The following NCKAP5 variants were observed in gnomAD, a reference collection of about 807,000 sequenced individuals.
NCKAP5 encodes nck-associated protein 5.
A neutral mutation model predicts 167.0 loss-of-function variants in NCKAP5; 92 were observed. The observed-to-expected ratio is 0.55, with a 90% CI of 0.47 to 0.66. The LOEUF (loss-of-function observed/expected upper bound fraction) is 0.66. NCKAP5 is among the 30% of genes least tolerant of loss of function. The pLI is 0.00. For synonymous variants in NCKAP5, 891 were observed against 877.4 expected (o/e 1.02, Z -0.27); for missense variants, 2,378 against 2,315.0 (o/e 1.03, Z -0.56).
intron 12 of NCKAP5, among the ~76,000 whole-genome samples, chr2:132,792,160 G>T (rs1434284977): frequency 2.6e-5 from 4 of 152,154 alleles, no homozygotes; most frequent in African/African-American, 9.7e-5. Flanking sequence ...TTAGGCATCT[G>T]CCTTACTATC....
chr2:133,510,325 A>T (rs562573793), intron 3 of NCKAP5, among the ~76,000 whole-genome samples: 41 of 152,164 alleles, frequency 2.7e-4, no homozygotes, highest in Non-Finnish European at 4.1e-4. Context: ...TTGTACATGA[A>T]CACGCCATAA....
chr2:132,864,458 A>C (rs1268619580), intron 10 of NCKAP5, among the ~76,000 whole-genome samples: 1 of 152,192 alleles, frequency 6.6e-6, no homozygotes, highest in African/African-American at 2.4e-5. Context: ...TTAAGAGATT[A>C]CAGCTGAGCA....
the NCKAP5 span, among the ~76,000 whole-genome samples, chr2:133,644,933 CA>C: frequency 4.7e-3 from 706 of 151,532 alleles, 2 homozygotes; most frequent in African/African-American, 0.015. Context: ...AATGAGATCA[CA>C]AAAAAAATGA....
At chr2:133,171,526 A>G (rs2084248911) in intron 5 of NCKAP5, among the ~76,000 whole-genome samples, 1 of 152,204 alleles carries the variant, frequency 6.6e-6, no homozygotes, top group South Asian at 2.1e-4. Flanking sequence ...ACTATGTCAC[A>G]TGCATTCAAC....
chr2:133,453,620 T>C (rs1211166671), intron 3 of NCKAP5, among the ~76,000 whole-genome samples: 1 of 152,100 alleles, frequency 6.6e-6, no homozygotes, highest in African/African-American at 2.4e-5. Flanking sequence ...CAGTAAAATA[T>C]ATTTATGCAA....
In NCKAP5 at chr2:132,935,058, G is replaced by A. The variant is rs185306808; in HGVS notation, c.579+28662C>T. Among the ~76,000 whole-genome samples, 18 of 152,188 alleles carry A rather than the reference G, an allele frequency of 1.2e-4. 1 individual carries two copies. The highest frequency in any genetic ancestry group is 9.8e-4 in the Admixed American group (15 of 15,284). On this transcript the variant is annotated intron_variant, in intron 8 of 19. Transcript: ENST00000409261. ...TCCCAGCTACAAGAGATTGGTTCAG[G>A]GAAGAGTATTTAATTGATTTTAGGT...
intron 16 of NCKAP5, among the ~76,000 whole-genome samples, chr2:132,748,570 G>C (rs1489492299): frequency 3.3e-5 from 5 of 152,148 alleles, no homozygotes; most frequent in Non-Finnish European, 5.9e-5. Flanking sequence ...GCAGAAGCCG[G>C]AATTCAAAGC....
chr2:133,289,719 A>G (rs1679427092), intron 4 of NCKAP5, among the ~76,000 whole-genome samples: 1 of 145,058 alleles, frequency 6.9e-6, no homozygotes, highest in Non-Finnish European at 1.5e-5. Flanking sequence ...ACAAACAAAC[A>G]AACAAACAAA....
At chr2:133,163,826 A>G (rs963551690) in intron 5 of NCKAP5, among the ~76,000 whole-genome samples, 1 of 152,226 alleles carries the variant, frequency 6.6e-6, no homozygotes, top group Non-Finnish European at 1.5e-5. Flanking sequence ...TAGTAATTGT[A>G]TGAGATGAAT....
intron 3 of NCKAP5, among the ~76,000 whole-genome samples, chr2:133,430,156 T>G (rs886792565): frequency 6.6e-6 from 1 of 152,178 alleles, no homozygotes; most frequent in Non-Finnish European, 1.5e-5. Context: ...TTGCTCTTCT[T>G]GATTTTTTAA....
intron 11 of NCKAP5, among the ~76,000 whole-genome samples, chr2:132,849,830 C>T (rs1456471912): frequency 1.3e-5 from 2 of 152,170 alleles, no homozygotes; most frequent in African/African-American, 4.8e-5. Context: ...AACCATTTCC[C>T]AAAGCTGCTC....
In NCKAP5 at chr2:132,820,533, TTTTTTTG is replaced by T. The variant is rs1211395447; in HGVS notation, c.808-23811_808-23805del. 2.5e-4 allele frequency among the ~76,000 whole-genome samples: 38 copies of T among 152,160 alleles called. No individual in the cohort carries two copies. The East Asian group carries it at 2.9e-3, about 12-fold the overall frequency. The stretch of plus-strand genomic sequence containing the variant: ...GTGAGCCACCGAGCCCAGCCAGTGT[TTTTTTTG>T]TTTTTTGTTTTTTGTTTTTTTTAAA... On this transcript the variant is annotated intron_variant, in intron 11 of 19. Coordinates refer to ENST00000409261, the MANE Select transcript of NCKAP5 (RefSeq NM_207363.3).
At chr2:132,974,768 T>C (rs1221989099) in intron 7 of NCKAP5, among the ~76,000 whole-genome samples, 1 of 152,194 alleles carries the variant, frequency 6.6e-6, no homozygotes, top group Non-Finnish European at 1.5e-5. Context: ...GGAGTTGGTG[T>C]TTGTATCAGA....
chr2:133,483,691 G>C (rs1272264997), intron 3 of NCKAP5, among the ~76,000 whole-genome samples: 1 of 151,956 alleles, frequency 6.6e-6, no homozygotes, highest in Non-Finnish European at 1.5e-5. Context: ...TTAAACAATG[G>C]GTTCAAAAAT....
intron 5 of NCKAP5, among the ~76,000 whole-genome samples, chr2:133,207,566 CG>C: frequency 6.6e-6 from 1 of 151,512 alleles, no homozygotes; most frequent in East Asian, 2.0e-4. Flanking sequence ...GATTCTAAGA[CG>C]GGGGTAAGAA....
intron 3 of NCKAP5, among the ~76,000 whole-genome samples, chr2:133,401,349 CT>C (rs939726037): frequency 1.1e-4 from 17 of 152,156 alleles, no homozygotes; most frequent in African/African-American, 3.6e-4. Flanking sequence ...TAAGTTAACA[CT>C]TTTCCCTGAG....
At chr2:132,879,915 A>G (rs1691618163) in intron 8 of NCKAP5, among the ~76,000 whole-genome samples, 1 of 152,246 alleles carries the variant, frequency 6.6e-6, no homozygotes, top group African/African-American at 2.4e-5. Flanking sequence ...TCAAACTTAT[A>G]TCAATGGATG....
chr2:132,904,572 T>C (rs1693871744), intron 8 of NCKAP5, among the ~76,000 whole-genome samples: 1 of 152,148 alleles, frequency 6.6e-6, no homozygotes, highest in African/African-American at 2.4e-5. Context: ...CAGGGACTTC[T>C]AGTACATAGG....
In NCKAP5 at chr2:132,932,921, C is replaced by CTTT. The variant is rs368871730; in HGVS notation, c.579+30796_579+30798dup. Among the ~76,000 whole-genome samples the CTTT allele has an allele frequency of 2.0e-3, 245 of 119,970 alleles. 7 individuals are homozygous for CTTT. Among genetic ancestry groups the CTTT allele is most frequent in the African/African-American group, 6.6e-3 (190 of 28,830 alleles). The allele number at this position is 119,970 out of a possible 152,430, so 78.7% of individuals were successfully genotyped here. ...GCAAATCTTTCCTGATTATCCTCTACTTTTTTTTTTTTTTTTTTTTTGAGA... is the reference window on the plus strand; with the variant it reads ...GCAAATCTTTCCTGATTATCCTCTACTTTTTTTTTTTTTTTTTTTTTTTTGAGA... On this transcript the variant is annotated intron_variant, in intron 8 of 19. Transcript: ENST00000409261.
Sources: gnomAD v4.1 joint callset for allele counts (sites outside exome capture counted in the v4.1 genomes callset) on GRCh38, gnomAD v4.1.1 for gene constraint, MANE v1.5 for transcripts, NCBI Gene and HGNC (gene_info 2026-07-23, HGNC 2026-07-21) for gene names.